Variants in ATP9A observed in about 807,000 individuals in gnomAD.
The protein encoded by ATP9A is ATPase phospholipid transporting 9A, also known as probable phospholipid-transporting ATPase IIA.
ATP9A carries 52 observed loss-of-function variants against 144.1 expected under a neutral mutation model. The ratio of observed to expected loss-of-function variants is 0.36; its 90% CI spans 0.29 to 0.45. ATP9A has a LOEUF of 0.45. Ranked by LOEUF, ATP9A falls within the 20% of genes least tolerant of loss-of-function variation. ATP9A has a pLI of 1.00. For missense variants in ATP9A, 947 were observed against 1,392.7 expected (o/e 0.68, Z 5.09); for synonymous variants, 582 against 557.4 (o/e 1.04, Z -0.62).
Position 51,671,185 on chromosome 20 carries a change from C to A in ATP9A, c.1110G>T (p.Gly370=). ...WVIRRDSKIP[G]TVVRSSTIPE... ...GAATCGTGCTGGAGCGAACCACGGT[C>A]CCGGGGATTTTCGAGTCCCTTCGAA... Residue 370 remains glycine (G), a synonymous_variant, in exon 12 of 28, where the codon GGG becomes GGT. Coordinates refer to ENST00000338821, the MANE Select transcript of ATP9A (RefSeq NM_006045.3). 6.2e-7 allele frequency: 1 copy of A among 1,614,112 alleles called. No homozygotes were observed. The highest frequency in any genetic ancestry group is 8.5e-7 in the Non-Finnish European group (1 of 1,179,996).
chr20:51,766,565 G>A (rs763265312), intron 1 of ATP9A, among the ~76,000 whole-genome samples: 9 of 152,122 alleles, frequency 5.9e-5, no homozygotes, highest in Non-Finnish European at 1.3e-4. Context: ...AAGGAGGCCG[G>A]GCGCGGTGAC....
intron 1 of ATP9A, among the ~76,000 whole-genome samples, chr20:51,746,578 G>A (rs111356411): frequency 0.2 from 30,530 of 152,096 alleles, 3,489 homozygotes; most frequent in East Asian, 0.34. Flanking sequence ...GGTGGCTCAC[G>A]CCTGTAATCC....
At chr20:51,692,412 T>C (rs1303913079) in intron 7 of ATP9A, among the ~76,000 whole-genome samples, 1 of 152,218 alleles carries the variant, frequency 6.6e-6, no homozygotes, top group Non-Finnish European at 1.5e-5. Flanking sequence ...CAGCAGTCAC[T>C]GTTAGAACAG....
At chr20:51,766,221 G>A (rs1236444575) in intron 1 of ATP9A, among the ~76,000 whole-genome samples, 1 of 152,064 alleles carries the variant, frequency 6.6e-6, no homozygotes, top group African/African-American at 2.4e-5. Flanking sequence ...TATATAGATA[G>A]AAACCCAGGT....
In ATP9A at chr20:51,611,989, T is replaced by A. The variant is rs2077186640; in HGVS notation, c.2571+1688A>T. Among the ~76,000 whole-genome samples the A allele has an allele frequency of 6.6e-6, 1 of 152,248 alleles. No individual in the cohort carries two copies. Among genetic ancestry groups the A allele is most frequent in the South Asian group, 2.1e-4 (1 of 4,830 alleles). On this transcript the variant is annotated intron_variant, in intron 23 of 27. Transcript: ENST00000338821. The surrounding 1 kb of genome is among the most constrained non-coding windows in gnomAD (Gnocchi z 4.2). ...GATACATTGTACAAGGCAGACCGCC[T>A]TTCAAGTATGATTAAACATTCTCAC...
intron 1 of ATP9A, among the ~76,000 whole-genome samples, chr20:51,743,396 A>AGTTTTTTTT (rs2077793149): frequency 1.1e-5 from 1 of 89,856 alleles, no homozygotes; most frequent in Non-Finnish European, 2.0e-5. Flanking sequence ...ACCGAAACTG[A>AGTTTTTTTT]TTTTTTTTTT....
chr20:51,677,777 GAAAGTCAACA>G (rs988515257), intron 9 of ATP9A, among the ~76,000 whole-genome samples: 1 of 151,140 alleles, frequency 6.6e-6, no homozygotes, highest in African/African-American at 2.4e-5. Flanking sequence ...TGAATCCTTC[GAAAGTCAACA>G]ATTTACTCAA....
chr20:51,671,924 G>C (rs974851711), intron 11 of ATP9A, among the ~76,000 whole-genome samples: 7 of 152,008 alleles, frequency 4.6e-5, no homozygotes, highest in African/African-American at 1.7e-4. Context: ...TCAGCCTCCA[G>C]AGTAGATGGG....
At chr20:51,675,774 G>A (rs1051236705) in intron 10 of ATP9A, among the ~76,000 whole-genome samples, 12 of 151,950 alleles carry the variant, frequency 7.9e-5, no homozygotes, top group Admixed American at 6.6e-5. Context: ...CAGCTACTCA[G>A]GAGGTGGAGT....
At chr20:51,634,702 G>A (rs778982451) in intron 15 of ATP9A, among the ~76,000 whole-genome samples, 3 of 151,726 alleles carry the variant, frequency 2.0e-5, no homozygotes, top group Non-Finnish European at 2.9e-5. Flanking sequence ...CTAAAAATAC[G>A]AAATTAGCCG....
chr20:51,688,279 C>G (rs1018843121), intron 9 of ATP9A, among the ~76,000 whole-genome samples: 1 of 152,178 alleles, frequency 6.6e-6, no homozygotes, highest in African/African-American at 2.4e-5. Flanking sequence ...CAGTCCTGAT[C>G]AGTGTCATCC....
chr20:51,677,171 T>G (rs1458610368), intron 9 of ATP9A, among the ~76,000 whole-genome samples: 1 of 151,668 alleles, frequency 6.6e-6, no homozygotes, highest in African/African-American at 2.4e-5. Context: ...TGGATTCAAG[T>G]GATCCTCCCA....
At chr20:51,745,332 G>C (rs186678924) in intron 1 of ATP9A, among the ~76,000 whole-genome samples, 20 of 151,340 alleles carry the variant, frequency 1.3e-4, no homozygotes, top group Middle Eastern at 3.4e-3. Flanking sequence ...CTATTGGGGA[G>C]ACTGAGGCAG....
intron 9 of ATP9A, among the ~76,000 whole-genome samples, chr20:51,686,027 T>C (rs1230114706): frequency 6.6e-6 from 1 of 152,222 alleles, no homozygotes; most frequent in East Asian, 1.9e-4. Flanking sequence ...CATAGAATTC[T>C]ATGCAGCCAT....
At chr20:51,692,099 G>T (rs988271944) in intron 7 of ATP9A, among the ~76,000 whole-genome samples, 1 of 152,194 alleles carries the variant, frequency 6.6e-6, no homozygotes, top group Non-Finnish European at 1.5e-5. Context: ...GGCCAAGGGG[G>T]GAATGTAGTT....
chr20:51,710,675 T>G (rs6067908), intron 4 of ATP9A, among the ~76,000 whole-genome samples: 1 of 151,976 alleles, frequency 6.6e-6, no homozygotes, highest in Admixed American at 6.6e-5. Context: ...AGAGTGGGAT[T>G]GGCATAACAA....
chr20:51,636,102 A>C (rs1210003982), intron 15 of ATP9A, among the ~76,000 whole-genome samples: 3 of 152,224 alleles, frequency 2.0e-5, no homozygotes, highest in Non-Finnish European at 4.4e-5. Flanking sequence ...ACAATAACTT[A>C]TAACAAAATA....
chr20:51,681,407 C>T (rs531298341), intron 9 of ATP9A, among the ~76,000 whole-genome samples: 1 of 150,274 alleles, frequency 6.7e-6, no homozygotes, highest in Non-Finnish European at 1.5e-5. Flanking sequence ...CCCATTTCCT[C>T]TATAGCCCAT....
At chr20:51,665,990 T>G (rs867827523) in intron 13 of ATP9A, among the ~76,000 whole-genome samples, 6 of 152,052 alleles carry the variant, frequency 3.9e-5, no homozygotes, top group African/African-American at 1.4e-4. Flanking sequence ...ACTGGGAAAA[T>G]AAACAACTGT....
Sources: gnomAD v4.1 joint callset for allele counts (sites outside exome capture counted in the v4.1 genomes callset) on GRCh38, gnomAD v4.1.1 for gene constraint, Gnocchi (gnomAD v3.1) non-coding constraint, MANE v1.5 for transcripts, NCBI Gene and HGNC (gene_info 2026-07-23, HGNC 2026-07-21) for gene names.